Variants in DENND5A observed in about 807,000 individuals in gnomAD.
DENND5A encodes the protein DENN domain-containing protein 5A.
In DENND5A, 64 loss-of-function variants were observed where a neutral mutation model predicts 140.3. The observed-to-expected ratio is 0.46, with a 90% CI of 0.37 to 0.56. The LOEUF is 0.56. DENND5A is among the 20% of genes least tolerant of loss of function. The pLI, the probability that DENND5A is intolerant of heterozygous loss-of-function variation, is 0.00. For synonymous variants in DENND5A, 605 were observed against 607.7 expected (o/e 1.00, Z 0.07); for missense variants, 1,292 against 1,593.8 (o/e 0.81, Z 3.22).
chr11:9,239,335 C>CTTTTTTT (rs1213339417), intron 1 of DENND5A, among the ~76,000 whole-genome samples: 1 of 121,300 alleles, frequency 8.2e-6, no homozygotes, highest in Non-Finnish European at 1.7e-5. Context: ...CCTGGCTAAA[C>CTTTTTTT]TTTTTTTTTT....
intron 2 of DENND5A, 25 bp from the exon 3 acceptor site, chr11:9,206,807 T>A: frequency 6.6e-7 from 1 of 1,508,980 alleles, no homozygotes; most frequent in Non-Finnish European, 9.2e-7. Context: ...ATGAAGTAAA[T>A]CATTTCTACA....
At chr11:9,187,425 C>A (rs1209857676) in intron 5 of DENND5A, among the ~76,000 whole-genome samples, 1 of 152,120 alleles carries the variant, frequency 6.6e-6, no homozygotes, top group Admixed American at 6.5e-5. Context: ...AGGTAGTGAT[C>A]ACATGGATCC....
chr11:9,179,867 T>C (rs974571173), intron 6 of DENND5A, among the ~76,000 whole-genome samples: 2 of 152,100 alleles, frequency 1.3e-5, no homozygotes, highest in African/African-American at 2.4e-5. Flanking sequence ...TTGAAAAATA[T>C]CTAGTCTACT....
chr11:9,219,868 G>A (rs913544060), intron 1 of DENND5A, among the ~76,000 whole-genome samples: 1 of 152,212 alleles, frequency 6.6e-6, no homozygotes, highest in Non-Finnish European at 1.5e-5. Context: ...AAATTTTTCA[G>A]ATGTTGCAAA....
Position 9,143,403 on chromosome 11 carries a change from C to T in DENND5A, c.3387G>A (p.Glu1129=). The T allele has an allele frequency of 1.2e-6, 2 of 1,613,766 alleles. No homozygotes were observed. Among genetic ancestry groups the T allele is most frequent in the Non-Finnish European group, 1.7e-6 (2 of 1,179,648 alleles). Residue 1129 remains glutamate (E), a splice_region_variant and synonymous_variant, in exon 20 of 23, where the codon GAG becomes GAA. Transcript: ENST00000328194. The part of the protein sequence containing the change: ...IVKHFHKPEK[E]RGSLTLLLCG... ...TGGATTGGAGGGCAGGAAGGCTCAC[C>T]TCTTTCTCAGGCTTATGGAAGTGCT...
intron 10 of DENND5A, among the ~76,000 whole-genome samples, chr11:9,166,408 C>A (rs1848194831): frequency 6.6e-6 from 1 of 152,076 alleles, no homozygotes; most frequent in African/African-American, 2.4e-5. Flanking sequence ...CTGCCTCTTT[C>A]TAGGCTCAGA....
rs369550935 is a variant in DENND5A, at chr11:9,201,541, A to G, written c.949+2119T>C. Among the ~76,000 whole-genome samples, 70 of 152,194 alleles carry G rather than the reference A, an allele frequency of 4.6e-4. 1 individual carries two copies. In the East Asian group the frequency reaches 0.011, roughly 23 times the overall value. On this transcript the variant is annotated intron_variant, in intron 4 of 22. Transcript: ENST00000328194. ...AAAAATTAGCCAAGCATGGTGGTGC[A>G]TGCCTGTAGTTCCAGCTACACGGGA...
chr11:9,177,721 TAA>T (rs35643161), intron 8 of DENND5A, among the ~76,000 whole-genome samples: 5 of 144,856 alleles, frequency 3.5e-5, no homozygotes, highest in Non-Finnish European at 4.5e-5. Context: ...TGACATCATT[TAA>T]AAAAAAAAAA....
chr11:9,220,000 G>C (rs150591420), intron 1 of DENND5A, among the ~76,000 whole-genome samples: 49 of 152,304 alleles, frequency 3.2e-4, no homozygotes, highest in Non-Finnish European at 5.4e-4. Context: ...CAGGGAATTT[G>C]ATTCAAATGA....
intron 8 of DENND5A, chr11:9,171,009 G>C: frequency 1.6e-6 from 1 of 639,650 alleles, no homozygotes; most frequent in Non-Finnish European, 2.5e-6. Context: ...CTGAGAAACA[G>C]GTAACAAATG....
chr11:9,163,908 A>T (rs1848081135), intron 11 of DENND5A, among the ~76,000 whole-genome samples: 1 of 116,812 alleles, frequency 8.6e-6, no homozygotes, highest in Non-Finnish European at 1.8e-5. Flanking sequence ...AAGAGACAAA[A>T]TTGTATGGAA....
At chr11:9,242,014 C>CA (rs965240891) in intron 1 of DENND5A, among the ~76,000 whole-genome samples, 1,584 of 57,712 alleles carry the variant, frequency 0.027, 56 homozygotes, top group African/African-American at 0.083. Context: ...AACTCCGTCT[C>CA]AAAAAAAAAA....
At chr11:9,160,203 G>C (rs1847932958) in intron 12 of DENND5A, among the ~76,000 whole-genome samples, 1 of 152,162 alleles carries the variant, frequency 6.6e-6, no homozygotes, top group Admixed American at 6.5e-5. Context: ...ATTGAAAACA[G>C]AGTATTTTGA....
At chr11:9,244,824 G>A (rs888525103) in intron 1 of DENND5A, among the ~76,000 whole-genome samples, 3 of 151,986 alleles carry the variant, frequency 2.0e-5, no homozygotes, top group Non-Finnish European at 4.4e-5. Context: ...ACAGGCACAC[G>A]CAACCCAGAA....
chr11:9,198,016 A>G (rs917715195), intron 4 of DENND5A, among the ~76,000 whole-genome samples: 1 of 152,128 alleles, frequency 6.6e-6, no homozygotes, highest in Non-Finnish European at 1.5e-5. Flanking sequence ...CATTGCTCCC[A>G]CTCATTTGTT....
At chr11:9,209,885 C>T (rs1849816791) in intron 1 of DENND5A, among the ~76,000 whole-genome samples, 1 of 152,038 alleles carries the variant, frequency 6.6e-6, no homozygotes. Context: ...GTGGGTGGAT[C>T]ACTTGAGGTC....
intron 1 of DENND5A, among the ~76,000 whole-genome samples, chr11:9,214,303 C>T (rs376059131): frequency 4.6e-5 from 7 of 152,292 alleles, no homozygotes; most frequent in African/African-American, 1.2e-4. Flanking sequence ...TTCTGAACCC[C>T]TATACAAATC....
intron 12 of DENND5A, among the ~76,000 whole-genome samples, chr11:9,153,993 C>T (rs1847720641): frequency 6.6e-6 from 1 of 152,168 alleles, no homozygotes; most frequent in African/African-American, 2.4e-5. Flanking sequence ...TAAGTGATAA[C>T]TTTATTTCAG....
At chr11:9,235,358 C>T (rs939735235) in intron 1 of DENND5A, among the ~76,000 whole-genome samples, 1 of 152,060 alleles carries the variant, frequency 6.6e-6, no homozygotes, top group Non-Finnish European at 1.5e-5. Context: ...CATGGATGAA[C>T]CTTAAAAACA....
Sources: gnomAD v4.1 joint callset for allele counts (sites outside exome capture counted in the v4.1 genomes callset) on GRCh38, gnomAD v4.1.1 for gene constraint, MANE v1.5 for transcripts, NCBI Gene and HGNC (gene_info 2026-07-23, HGNC 2026-07-21) for gene names.